TAFA1: variants seen among roughly 807,000 people sequenced by gnomAD.
The protein encoded by TAFA1 is TAFA chemokine like family member 1, also known as chemokine-like protein TAFA-1.
A neutral mutation model predicts 18.5 loss-of-function variants in TAFA1; 4 were observed. The observed-to-expected ratio is 0.22, with a 90% CI of 0.11 to 0.49. The LOEUF is 0.49. Among genes scored for constraint, TAFA1 ranks in the 20% least tolerant of loss-of-function variants. TAFA1 has a pLI of 0.98. For missense variants in TAFA1, 147 were observed against 169.0 expected, an observed-to-expected ratio of 0.87 and a Z score of 0.72; for synonymous variants, 56 against 55.2, an observed-to-expected ratio of 1.01 and a Z score of -0.06.
rs566039626 is a variant in TAFA1, at chr3:68,028,434, C to T, written c.118+21690C>T. 7.5e-3 allele frequency among the ~76,000 whole-genome samples: 147 copies of T among 19,492 alleles called. 3 individuals are homozygous for T. The highest frequency in any genetic ancestry group is 0.017 in the African/African-American group (132 of 7,860). The allele number at this position is 19,492 out of a possible 152,430, so 12.8% of individuals were successfully genotyped here. A position where few individuals can be genotyped will look rare whatever the true frequency, so the allele number is the denominator to read the frequency against. On this transcript the variant is annotated intron_variant, in intron 2 of 4. Transcript: ENST00000478136. ...AATAATTTAAATATTATTTTTAACC[C>T]AAAATACTTTATTGGTCTTCTATGA...
chr3:68,306,907 C>T (rs2068433398), intron 2 of TAFA1, among the ~76,000 whole-genome samples: 1 of 152,172 alleles, frequency 6.6e-6, no homozygotes, highest in Admixed American at 6.5e-5. Context: ...CAAATACCTA[C>T]ATTTCTTTTC....
intron 2 of TAFA1, among the ~76,000 whole-genome samples, chr3:68,264,330 A>G (rs1245725590): frequency 1.3e-5 from 2 of 152,182 alleles, no homozygotes; most frequent in Non-Finnish European, 2.9e-5. Context: ...GTTTGTGGAG[A>G]TGGCAAATAT....
chr3:68,482,369 G>C (rs1191243380), intron 3 of TAFA1, among the ~76,000 whole-genome samples: 1 of 152,104 alleles, frequency 6.6e-6, no homozygotes, highest in African/African-American at 2.4e-5. Context: ...TAGACACCAA[G>C]AAGAAAAGAA....
chr3:68,075,859 G>T (rs1049254453), intron 2 of TAFA1, among the ~76,000 whole-genome samples: 1 of 152,218 alleles, frequency 6.6e-6, no homozygotes, highest in Middle Eastern at 3.4e-3. Context: ...ACCATGCCTA[G>T]CTAAGTTTTG....
intron 3 of TAFA1, among the ~76,000 whole-genome samples, chr3:68,459,498 G>GA (rs5849837): frequency 0.78 from 119,126 of 152,068 alleles, 47,143 homozygotes; most frequent in African/African-American, 0.91. Flanking sequence ...CGCACTAGAA[G>GA]AATAAGTAAT....
At chr3:68,374,095 T>G (rs2069764083) in intron 2 of TAFA1, among the ~76,000 whole-genome samples, 1 of 152,128 alleles carries the variant, frequency 6.6e-6, no homozygotes, top group African/African-American at 2.4e-5. Flanking sequence ...TCTTTGCATC[T>G]CTACCCTGCA....
At chr3:68,328,761 A>G (rs2106723434) in intron 2 of TAFA1, among the ~76,000 whole-genome samples, 1 of 152,204 alleles carries the variant, frequency 6.6e-6, no homozygotes, top group Admixed American at 6.5e-5. Flanking sequence ...CTTTATATAT[A>G]ATAAATATGT....
chr3:68,286,861 G>A (rs1305498803), intron 2 of TAFA1, among the ~76,000 whole-genome samples: 1 of 152,172 alleles, frequency 6.6e-6, no homozygotes, highest in Non-Finnish European at 1.5e-5. Context: ...ATTTGTGCTG[G>A]TATAACAAAA....
intron 3 of TAFA1, among the ~76,000 whole-genome samples, chr3:68,478,402 A>T (rs1292033879): frequency 6.6e-6 from 1 of 152,222 alleles, no homozygotes; most frequent in Non-Finnish European, 1.5e-5. Context: ...TCTATGACAT[A>T]AAGTGGAAAT....
intron 3 of TAFA1, among the ~76,000 whole-genome samples, chr3:68,489,445 A>G (rs913862303): frequency 1.1e-4 from 17 of 152,204 alleles, no homozygotes; most frequent in African/African-American, 3.4e-4. Context: ...TGATGACCAA[A>G]TAAAATATAT....
At chr3:68,141,568 A>T (rs1365468917) in intron 2 of TAFA1, among the ~76,000 whole-genome samples, 3 of 152,158 alleles carry the variant, frequency 2.0e-5, no homozygotes, top group Non-Finnish European at 4.4e-5. Context: ...TAGACACATG[A>T]CCTAGGCCTG....
At chr3:68,096,194 G>C (rs2065085022) in intron 2 of TAFA1, among the ~76,000 whole-genome samples, 1 of 151,952 alleles carries the variant, frequency 6.6e-6, no homozygotes, top group South Asian at 2.1e-4. Flanking sequence ...GTCTTTCTGT[G>C]CCTGGCTTGT....
At chr3:68,029,651 G>T (rs902385194) in intron 2 of TAFA1, among the ~76,000 whole-genome samples, 1 of 152,170 alleles carries the variant, frequency 6.6e-6, no homozygotes, top group Non-Finnish European at 1.5e-5. Flanking sequence ...CAAACGTAAA[G>T]CCCACTTCAA....
intron 2 of TAFA1, among the ~76,000 whole-genome samples, chr3:68,008,296 A>G (rs539595646): frequency 3.9e-5 from 6 of 152,366 alleles, no homozygotes; most frequent in Non-Finnish European, 5.9e-5. Context: ...CTTTACCTCC[A>G]ATCACTTAAT....
intron 2 of TAFA1, among the ~76,000 whole-genome samples, chr3:68,092,813 G>A (rs745970203): frequency 4.5e-4 from 68 of 152,140 alleles, no homozygotes; most frequent in Non-Finnish European, 4.0e-4. Context: ...TGTGCATACA[G>A]AAGAAGGCAG....
chr3:68,494,067 T>A (rs779189598), intron 3 of TAFA1, among the ~76,000 whole-genome samples: 3 of 152,202 alleles, frequency 2.0e-5, no homozygotes, highest in Non-Finnish European at 4.4e-5. Context: ...CAGGGTTGTT[T>A]GTAAGGGTTA....
chr3:68,434,390 C>T (rs1249354966), intron 3 of TAFA1, among the ~76,000 whole-genome samples: 1 of 152,026 alleles, frequency 6.6e-6, no homozygotes, highest in Non-Finnish European at 1.5e-5. Flanking sequence ...TAAATATTTT[C>T]TTGGCTGCTA....
intron 2 of TAFA1, among the ~76,000 whole-genome samples, chr3:68,073,529 C>T (rs2064783208): frequency 6.6e-6 from 1 of 152,172 alleles, no homozygotes; most frequent in South Asian, 2.1e-4. Context: ...TGAGGGTGGC[C>T]ATGTTGTCTG....
intron 2 of TAFA1, among the ~76,000 whole-genome samples, chr3:68,185,918 T>G (rs2066265251): frequency 6.6e-6 from 1 of 151,484 alleles, no homozygotes. Context: ...AATAAATAAA[T>G]AAATAAATAA....
Sources: allele counts gnomAD v4.1 joint callset (sites outside exome capture counted in the v4.1 genomes callset), GRCh38; gene constraint gnomAD v4.1.1; transcripts MANE v1.5; gene names NCBI Gene and HGNC (gene_info 2026-07-23, HGNC 2026-07-21).